Variants in COL27A1 observed in about 807,000 individuals in gnomAD.
COL27A1 encodes collagen type XXVII alpha 1 chain, also known as collagen alpha-1(XXVII) chain.
COL27A1 carries 106 observed loss-of-function variants against 251.3 expected under a neutral mutation model. That is an observed-to-expected ratio of 0.42 (90% CI 0.36 to 0.50). The LOEUF (loss-of-function observed/expected upper bound fraction) is 0.50, where lower values mean the gene tolerates loss of function less well. Among genes scored for constraint, COL27A1 ranks in the 20% least tolerant of loss-of-function variants. The pLI, the probability that COL27A1 is intolerant of heterozygous loss-of-function variation, is 0.00. For synonymous variants in COL27A1, 1,000 were observed against 986.3 expected, an observed-to-expected ratio of 1.01 and a Z score of -0.26; for missense variants, 2,325 against 2,522.8, an observed-to-expected ratio of 0.92 and a Z score of 1.68.
intron 27 of COL27A1, among the ~76,000 whole-genome samples, chr9:114,254,409 G>A (rs1389927682): frequency 1.3e-5 from 2 of 152,080 alleles, no homozygotes; most frequent in African/African-American, 4.8e-5. Flanking sequence ...TTTGGAGCAG[G>A]TAGAACTTGC....
At chr9:114,302,179 C>T (rs759873447) in intron 56 of COL27A1, 71 bp downstream of exon 56, 16 of 1,282,128 alleles carry the variant, frequency 1.2e-5, no homozygotes, top group Non-Finnish European at 1.7e-5. Context: ...AGGCTGCTGG[C>T]CCTCTCTGGC....
chr9:114,166,510 G>A (rs898418735), intron 2 of COL27A1, among the ~76,000 whole-genome samples: 34 of 150,344 alleles, frequency 2.3e-4, no homozygotes, highest in Non-Finnish European at 4.0e-4. Flanking sequence ...AGGGCCAAAT[G>A]CCAAGTGTTG....
At chr9:114,178,368 T>G (rs1291749991) in intron 4 of COL27A1, 24 bp downstream of exon 4, 2 of 1,611,484 alleles carry the variant, frequency 1.2e-6, no homozygotes, top group African/African-American at 2.7e-5. Context: ...CACTGTCCTT[T>G]GGAACTCTTG....
intron 2 of COL27A1, among the ~76,000 whole-genome samples, chr9:114,165,544 A>G (rs766635404): frequency 2.5e-4 from 37 of 148,766 alleles, no homozygotes; most frequent in Admixed American, 8.1e-4. Context: ...CCAGCCAGCC[A>G]TTATCCATGC....
intron 28 of COL27A1, among the ~76,000 whole-genome samples, chr9:114,260,701 A>G (rs12552066): frequency 0.15 from 22,488 of 151,960 alleles, 1,759 homozygotes; most frequent in South Asian, 0.22. Flanking sequence ...GTTCTTGGTG[A>G]GGACGCTGAC....
In COL27A1 at chr9:114,194,441, C is replaced by T. The variant is rs1254553514; in HGVS notation, c.2054C>T (p.Ala685Val). The T allele has an allele frequency of 9.3e-6, 15 of 1,612,648 alleles. No homozygotes were observed. Among genetic ancestry groups the T allele is most frequent in the Non-Finnish European group, 1.3e-5 (15 of 1,179,416 alleles). The change falls in exon 6 of 61, where the codon GCC becomes GTC. Residue 685 changes from alanine (A) to valine (V), a missense_variant. By Grantham distance (64) the Ala-to-Val change is moderately conservative. Coordinates refer to ENST00000356083, the MANE Select transcript of COL27A1 (RefSeq NM_032888.4). ...KGDPGLSPGK[A>V]HDGAKGDMGL... Reference sequence around the variant, plus strand: ...GACCCAGGGCTCTCACCAGGAAAGGCCCACGATGGGGCAAAGGTAGGTTTC... The same window carrying T: ...GACCCAGGGCTCTCACCAGGAAAGGTCCACGATGGGGCAAAGGTAGGTTTC...
chr9:114,258,675 T>C (rs1021100436), intron 28 of COL27A1, 81 bp downstream of exon 28: 49 of 1,437,168 alleles, frequency 3.4e-5, no homozygotes, highest in Non-Finnish European at 4.7e-5. Context: ...AGAGACTGCC[T>C]GGGCTTTGCC....
intron 11 of COL27A1, among the ~76,000 whole-genome samples, 199 bp from the exon 12 acceptor site, chr9:114,210,783 T>G (rs898670151): frequency 6.6e-6 from 1 of 152,234 alleles, no homozygotes; most frequent in African/African-American, 2.4e-5. Flanking sequence ...GAACTGGCAT[T>G]TCTCTGTCTC....
intron 12 of COL27A1, among the ~76,000 whole-genome samples, chr9:114,213,191 A>T (rs1364135540): frequency 6.6e-6 from 1 of 152,168 alleles, no homozygotes; most frequent in Admixed American, 6.5e-5. Flanking sequence ...AGCATGGAAG[A>T]GGTAAGACCC....
intron 14 of COL27A1, among the ~76,000 whole-genome samples, chr9:114,226,446 C>T (rs1831474221): frequency 6.6e-6 from 1 of 152,170 alleles, no homozygotes; most frequent in Non-Finnish European, 1.5e-5. Flanking sequence ...AAGCACCTGC[C>T]CAAGGTCACA....
At chr9:114,157,020 T>C (rs1375375653) in intron 1 of COL27A1, among the ~76,000 whole-genome samples, 1 of 151,886 alleles carries the variant, frequency 6.6e-6, no homozygotes, top group Non-Finnish European at 1.5e-5. Flanking sequence ...TTCTTCCCCA[T>C]GTCTTGGAAA....
At chr9:114,175,254 A>T (rs1451614607) in intron 3 of COL27A1, among the ~76,000 whole-genome samples, 1 of 152,186 alleles carries the variant, frequency 6.6e-6, no homozygotes, top group Non-Finnish European at 1.5e-5. Flanking sequence ...GCTCCCCCTC[A>T]GCTCCAGGCC....
intron 57 of COL27A1, among the ~76,000 whole-genome samples, chr9:114,305,900 G>C (rs1425910609): frequency 2.0e-5 from 3 of 152,220 alleles, no homozygotes; most frequent in African/African-American, 7.2e-5. Context: ...GTGGAAGGAG[G>C]GTTTATTTAG....
At chr9:114,176,745 C>G (rs1827486021) in intron 3 of COL27A1, among the ~76,000 whole-genome samples, 1 of 152,138 alleles carries the variant, frequency 6.6e-6, no homozygotes, top group African/African-American at 2.4e-5. Context: ...GGGACTTGCC[C>G]GAGGTCACAA....
At chr9:114,213,490 A>G (rs551506179) in intron 12 of COL27A1, among the ~76,000 whole-genome samples, 6 of 152,318 alleles carry the variant, frequency 3.9e-5, no homozygotes, top group South Asian at 4.1e-4. Context: ...ACCAAAGATT[A>G]TTTGTTGAAT....
At position 114,270,797 on chromosome 9, in the gene COL27A1, GGGCAGGGCCTGGGGACCCC is replaced by G; in HGVS notation, c.3609+25_3609+43del. ...TGGGCTGAAGGTAAGTGCCCTTTTAGGGCAGGGCCTGGGGACCCCGGCAGGGCATTGCTTTCCCATCCAA... is the reference window on the plus strand; with the variant it reads ...TGGGCTGAAGGTAAGTGCCCTTTTAGGGCAGGGCATTGCTTTCCCATCCAA... On this transcript the variant is annotated intron_variant, in intron 36 of 60. Coordinates refer to ENST00000356083, the MANE Select transcript of COL27A1 (RefSeq NM_032888.4). 1 of 1,608,176 alleles carries G rather than the reference GGGCAGGGCCTGGGGACCCC, an allele frequency of 6.2e-7. No individual in the cohort carries two copies. The highest frequency in any genetic ancestry group is 1.1e-5 in the South Asian group (1 of 90,708).
chr9:114,304,589 C>A lies in COL27A1; in HGVS notation c.4873-19C>A. On this transcript the variant is annotated intron_variant, in intron 56 of 60. Coordinates refer to ENST00000356083, the MANE Select transcript of COL27A1 (RefSeq NM_032888.4). ...ACCCTGGGGGGCCACGATACATACC[C>A]TGTCTTTTCCTTGCCCAGCAACAAG... 3 of 1,613,900 alleles carry A rather than the reference C, an allele frequency of 1.9e-6. No homozygotes were observed. Among genetic ancestry groups the A allele is most frequent in the South Asian group, 2.2e-5 (2 of 91,076 alleles).
chr9:114,178,877 C>A (rs1379167662), intron 4 of COL27A1, among the ~76,000 whole-genome samples: 3 of 152,154 alleles, frequency 2.0e-5, no homozygotes, highest in Non-Finnish European at 2.9e-5. Flanking sequence ...ATGTGATGTG[C>A]CTGGCACCTT....
chr9:114,283,902 C>T, intron 40 of COL27A1, 140 bp downstream of exon 40: 1 of 841,966 alleles, frequency 1.2e-6, no homozygotes, highest in Non-Finnish European at 1.9e-6. Flanking sequence ...CTCACCTGCC[C>T]CAGGGAGCGC....
Sources: allele counts gnomAD v4.1 joint callset (sites outside exome capture counted in the v4.1 genomes callset), GRCh38; gene constraint gnomAD v4.1.1; transcripts MANE v1.5; gene names NCBI Gene and HGNC (gene_info 2026-07-23, HGNC 2026-07-21).